Variants in SGMS2 observed in about 807,000 individuals in gnomAD.
SGMS2 encodes phosphatidylcholine:ceramide cholinephosphotransferase 2.
Under a neutral mutation model 43.8 loss-of-function variants are expected in SGMS2, and 21 were observed. That is an observed-to-expected ratio of 0.48 (90% CI 0.34 to 0.69). The LOEUF is 0.69. Ranked by LOEUF, SGMS2 falls within the 30% of genes least tolerant of loss-of-function variation. SGMS2 has a pLI of 0.01. For synonymous variants in SGMS2, 167 were observed against 160.6 expected (o/e 1.04, Z -0.30); for missense variants, 384 against 443.2 (o/e 0.87, Z 1.20).
chr4:107,908,337 G>C, intron 5 of SGMS2: 1 of 481,554 alleles, frequency 2.1e-6, no homozygotes, highest in Non-Finnish European at 3.7e-6. Flanking sequence ...AGTGTTACCA[G>C]CTTCCCCAGT....
intron 1 of SGMS2, among the ~76,000 whole-genome samples, chr4:107,836,701 C>G (rs1022927085): frequency 2.0e-5 from 3 of 152,162 alleles, no homozygotes; most frequent in Non-Finnish European, 2.9e-5. Flanking sequence ...CTAATTTGTG[C>G]TCTTCCTCAG....
chr4:107,868,364 AT>A (rs1413462611), intron 2 of SGMS2, among the ~76,000 whole-genome samples: 10 of 152,328 alleles, frequency 6.6e-5, no homozygotes, highest in African/African-American at 2.4e-4. Context: ...GAAAGTGTGT[AT>A]TTAGGCTGTT....
intron 1 of SGMS2, among the ~76,000 whole-genome samples, chr4:107,831,341 C>T (rs1007120543): frequency 6.6e-6 from 1 of 152,192 alleles, no homozygotes; most frequent in Non-Finnish European, 1.5e-5. Context: ...GAGGTGAACC[C>T]TGACAGGCTT....
Position 107,881,831 on chromosome 4 carries a change from A to C in SGMS2, c.-244-13479A>C, listed in dbSNP as rs117101429. ...TATCACCATAAGTTCAATTGTTTTA[A>C]TTTTTAGCTCCCACAAATGAGTGGG... On this transcript the variant is annotated intron_variant, in intron 2 of 6. Transcript: ENST00000690982. 4.5e-4 allele frequency among the ~76,000 whole-genome samples: 69 copies of C among 152,152 alleles called. No individual in the cohort carries two copies. In the East Asian group the frequency reaches 0.011, roughly 24 times the overall value.
In SGMS2 at chr4:107,903,395, T is replaced by C; in HGVS notation, c.727+9T>C. The C allele has an allele frequency of 6.2e-7, 1 of 1,613,588 alleles. No individual in the cohort carries two copies. Among genetic ancestry groups the C allele is most frequent in the South Asian group, 1.1e-5 (1 of 91,072 alleles). ...TTTGTTCATCAAAGAATGTAAGTAA[T>C]AGCCCATTCCCACTGAACTGATAGC... On this transcript the variant is annotated intron_variant, in intron 5 of 6. Coordinates refer to ENST00000690982, the MANE Select transcript of SGMS2 (RefSeq NM_001375905.1).
chr4:107,870,792 G>A (rs1284615915), intron 2 of SGMS2, among the ~76,000 whole-genome samples: 1 of 152,044 alleles, frequency 6.6e-6, no homozygotes, highest in Non-Finnish European at 1.5e-5. Flanking sequence ...AAGCAAAGAA[G>A]TATAATTCTT....
In SGMS2 at chr4:107,913,488, C is replaced by T. The variant is rs1732256006; in HGVS notation, c.*2935C>T. The stretch of plus-strand genomic sequence containing the variant: ...GGGTTATTTCCTGTATTACCAGTGC[C>T]CCCTTGTGGCAATATACTTTATGAC... On this transcript the variant is annotated 3_prime_UTR_variant, in exon 7 of 7. Transcript: ENST00000690982. The T allele has an allele frequency of 6.6e-6, 1 of 152,094 alleles. No individual in the cohort carries two copies. Among genetic ancestry groups the T allele is most frequent in the Non-Finnish European group, 1.5e-5 (1 of 68,018 alleles). The allele number at this position is 152,094 out of a possible 1,614,324, so 9.4% of individuals were successfully genotyped here.
intron 2 of SGMS2, among the ~76,000 whole-genome samples, chr4:107,880,642 G>A (rs1298655745): frequency 3.3e-5 from 5 of 152,008 alleles, no homozygotes; most frequent in Non-Finnish European, 7.4e-5. Flanking sequence ...AATTACTTGA[G>A]GCCAGAGGTT....
In SGMS2 at chr4:107,913,753, G is replaced by GTC. The variant is rs1732268947; in HGVS notation, c.*3203_*3204dup. The GTC allele has an allele frequency of 2.0e-5, 3 of 152,216 alleles. No homozygotes were observed. Among genetic ancestry groups the GTC allele is most frequent in the Admixed American group, 2.0e-4 (3 of 15,278 alleles). 9.4% of individuals were successfully genotyped at this position (152,216 alleles called of 1,614,324 possible). ...ACCTCTCATGATCACAATCATTAGT[G>GTC]TCTCCCTTTATAACGACCTATGTTT... is the stretch of plus-strand genomic sequence containing the variant. On this transcript the variant is annotated 3_prime_UTR_variant, in exon 7 of 7. Coordinates refer to ENST00000690982, the MANE Select transcript of SGMS2 (RefSeq NM_001375905.1).
At chr4:107,833,515 CG>C (rs1726007279) in intron 1 of SGMS2, among the ~76,000 whole-genome samples, 1 of 152,138 alleles carries the variant, frequency 6.6e-6, no homozygotes, top group Non-Finnish European at 1.5e-5. Flanking sequence ...CCACACCTAA[CG>C]TCACATGATG....
chr4:107,897,785 G>A (rs1209302451), intron 3 of SGMS2, among the ~76,000 whole-genome samples: 1 of 152,112 alleles, frequency 6.6e-6, no homozygotes, highest in Admixed American at 6.6e-5. Context: ...TTACATTTTA[G>A]TAACTAGTAG....
chr4:107,826,966 G>C (rs1265951549), intron 1 of SGMS2, among the ~76,000 whole-genome samples: 1 of 152,218 alleles, frequency 6.6e-6, no homozygotes, highest in Non-Finnish European at 1.5e-5. Flanking sequence ...CAGGAGACCT[G>C]AGGCTCTCTG....
chr4:107,838,582 C>T (rs1726328325), intron 1 of SGMS2, among the ~76,000 whole-genome samples: 1 of 152,152 alleles, frequency 6.6e-6, no homozygotes, highest in Admixed American at 6.5e-5. Context: ...AGTACAATAT[C>T]AAAACCAGTC....
chr4:107,865,291 G>A (rs1728034317), intron 2 of SGMS2, among the ~76,000 whole-genome samples: 1 of 151,992 alleles, frequency 6.6e-6, no homozygotes, highest in Non-Finnish European at 1.5e-5. Context: ...ACACAATCTG[G>A]GATTGCTAAT....
intron 2 of SGMS2, among the ~76,000 whole-genome samples, chr4:107,884,500 AG>A (rs34411961): frequency 0.71 from 107,688 of 151,746 alleles, 38,996 homozygotes; most frequent in African/African-American, 0.84. Flanking sequence ...ATTTAAACAA[AG>A]GGGGGGGAAA....
chr4:107,880,173 A>T (rs966071130), intron 2 of SGMS2, among the ~76,000 whole-genome samples: 1 of 150,424 alleles, frequency 6.6e-6, no homozygotes, highest in East Asian at 1.9e-4. Flanking sequence ...TTTTACCTGA[A>T]TTTTTTTTTT....
At chr4:107,856,942 T>G (rs1312667978) in intron 1 of SGMS2, among the ~76,000 whole-genome samples, 11 of 152,206 alleles carry the variant, frequency 7.2e-5, no homozygotes, top group Non-Finnish European at 1.5e-4. Context: ...TTCAGAGTTG[T>G]GCCACCAACC....
chr4:107,837,006 T>G (rs1221191747), intron 1 of SGMS2, among the ~76,000 whole-genome samples: 4 of 152,210 alleles, frequency 2.6e-5, no homozygotes, highest in Non-Finnish European at 5.9e-5. Context: ...TGCCTTGGAT[T>G]TCATAAATAT....
intron 5 of SGMS2, among the ~76,000 whole-genome samples, chr4:107,905,988 C>A (rs962915342): frequency 7.9e-5 from 12 of 152,138 alleles, no homozygotes; most frequent in Non-Finnish European, 1.3e-4. Context: ...AATAGAGGGA[C>A]AAATCTGTAA....
Sources: gnomAD v4.1 joint callset for allele counts (sites outside exome capture counted in the v4.1 genomes callset) on GRCh38, gnomAD v4.1.1 for gene constraint, MANE v1.5 for transcripts, NCBI Gene and HGNC (gene_info 2026-07-23, HGNC 2026-07-21) for gene names.